The following C14orf39 variants were observed in gnomAD, a reference collection of about 807,000 sequenced individuals.
C14orf39 encodes the protein protein SIX6OS1.
Under a neutral mutation model 85.6 loss-of-function variants are expected in C14orf39, and 66 were observed. The ratio of observed to expected loss-of-function variants is 0.77; its 90% CI spans 0.63 to 0.95. C14orf39 has a LOEUF of 0.95. Ranked by LOEUF, C14orf39 falls within the 40% of genes least tolerant of loss-of-function variation. C14orf39 has a pLI of 0.00. For missense variants in C14orf39, 735 were observed against 663.9 expected, an observed-to-expected ratio of 1.11 and a Z score of -1.18; for synonymous variants, 242 against 214.0, an observed-to-expected ratio of 1.13 and a Z score of -1.14.
intron 1 of C14orf39, among the ~76,000 whole-genome samples, chr14:60,499,879 C>T (rs980886545): frequency 1.9e-4 from 29 of 152,200 alleles, no homozygotes; most frequent in African/African-American, 4.8e-4. Context: ...ATACAAATTA[C>T]CCATAAATAT....
chr14:60,455,675 G>T (rs1260070306), intron 15 of C14orf39, among the ~76,000 whole-genome samples: 2 of 152,112 alleles, frequency 1.3e-5, no homozygotes, highest in African/African-American at 4.8e-5. Flanking sequence ...TAAAAGCATG[G>T]ATTCTAGAGC....
At chr14:60,509,780 G>A (rs1344962002) in intron 1 of C14orf39, 4 of 1,613,062 alleles carry the variant, frequency 2.5e-6, no homozygotes, top group Non-Finnish European at 3.4e-6. Flanking sequence ...CATTTGGGAC[G>A]GCGAACAGAA....
intron 17 of C14orf39, among the ~76,000 whole-genome samples, chr14:60,438,768 T>C (rs563410861): frequency 3.9e-5 from 6 of 152,032 alleles, no homozygotes; most frequent in Admixed American, 1.3e-4. Flanking sequence ...TCTCGAAAGA[T>C]AGAAAGAGAT....
intron 1 of C14orf39, chr14:60,511,299 GA>G: frequency 1.9e-6 from 3 of 1,598,882 alleles, no homozygotes; most frequent in Non-Finnish European, 1.7e-6. Flanking sequence ...GTAAAAACGA[GA>G]AAAACAAAAT....
intron 4 of C14orf39, 103 bp downstream of exon 4, chr14:60,483,588 T>C: frequency 1.0e-6 from 1 of 964,318 alleles, no homozygotes; most frequent in Non-Finnish European, 1.5e-6. Flanking sequence ...ACTTGATTCA[T>C]TAGCTAATAC....
intron 1 of C14orf39, among the ~76,000 whole-genome samples, chr14:60,501,562 G>A (rs1181794308): frequency 6.6e-6 from 1 of 152,202 alleles, no homozygotes; most frequent in Non-Finnish European, 1.5e-5. Flanking sequence ...CTCCAGAACT[G>A]TGAGAGAATA....
chr14:60,436,896 T>C lies in C14orf39; in HGVS notation c.1713A>G (p.Leu571=), dbSNP rs1388724377. ...TTTGTGAGGAAGATGAAAAACCTTT[T>C]AAAGAAGAAGAAGGTATTGAATTTT... is the stretch of plus-strand genomic sequence containing the variant. The part of the protein sequence containing the change: ...QGQNSIPSSS[L]KGFSSSSQNT... The change falls in exon 18 of 18, where the codon TTA becomes TTG. Residue 571 remains leucine, a synonymous_variant. Transcript: ENST00000321731. 4.3e-6 allele frequency: 7 copies of C among 1,612,436 alleles called. No homozygotes were observed. The highest frequency in any genetic ancestry group is 5.9e-6 in the Non-Finnish European group (7 of 1,179,016).
In C14orf39 at chr14:60,476,027, T is replaced by C. The variant is rs577908637; in HGVS notation, c.323+2273A>G. 3.9e-5 allele frequency among the ~76,000 whole-genome samples: 6 copies of C among 152,300 alleles called. No homozygotes were observed. In the East Asian group the frequency reaches 5.8e-4, roughly 15 times the overall value. Reference sequence around the variant, plus strand: ...AAAAGTAAGGATAACAGCCCTGTGCTAGTCAGCGGGTCTGAATCTTAAGAA... The same window carrying C: ...AAAAGTAAGGATAACAGCCCTGTGCCAGTCAGCGGGTCTGAATCTTAAGAA... On this transcript the variant is annotated intron_variant, in intron 5 of 17. Coordinates refer to ENST00000321731, the MANE Select transcript of C14orf39 (RefSeq NM_174978.3).
At chr14:60,470,855 T>C (rs562706482) in intron 7 of C14orf39, among the ~76,000 whole-genome samples, 3 of 151,978 alleles carry the variant, frequency 2.0e-5, no homozygotes, top group African/African-American at 7.2e-5. Context: ...GATTAAAGTT[T>C]CAAGTTCATC....
At chr14:60,480,743 T>C (rs557989163) in intron 4 of C14orf39, among the ~76,000 whole-genome samples, 13 of 149,300 alleles carry the variant, frequency 8.7e-5, no homozygotes, top group African/African-American at 2.7e-4. Flanking sequence ...AAGTGTGGCA[T>C]AGATACACTA....
intron 1 of C14orf39, among the ~76,000 whole-genome samples, chr14:60,513,537 C>T (rs1461385390): frequency 1.3e-5 from 2 of 152,132 alleles, no homozygotes; most frequent in African/African-American, 4.8e-5. Context: ...ACTCTTGTTC[C>T]CCAGCCCCAC....
intron 16 of C14orf39, among the ~76,000 whole-genome samples, chr14:60,454,711 A>G (rs1891189407): frequency 6.6e-6 from 1 of 152,014 alleles, no homozygotes; most frequent in South Asian, 2.1e-4. Flanking sequence ...GTTTGTCTGA[A>G]AGTTAGACAC....
At chr14:60,446,220 A>C (rs1379184442) in intron 16 of C14orf39, among the ~76,000 whole-genome samples, 1 of 152,212 alleles carries the variant, frequency 6.6e-6, no homozygotes, top group Non-Finnish European at 1.5e-5. Context: ...ATCAGAGCAG[A>C]ACTGAAGAGC....
rs375558232 is a variant in C14orf39, at chr14:60,452,037, AT to A, written c.1503+2963del. On this transcript the variant is annotated intron_variant, in intron 16 of 17. Transcript: ENST00000321731. ...CTCTACTAAAGTACAAAAAAAAAAA[AT>A]TAGCCAGGCATGGTGGCACACGCCT... is the stretch of plus-strand genomic sequence containing the variant. Among the ~76,000 whole-genome samples, 432 of 150,854 alleles carry A rather than the reference AT, an allele frequency of 2.9e-3. 1 individual carries two copies. The highest frequency in any genetic ancestry group is 0.01 in the African/African-American group (415 of 41,102).
intron 5 of C14orf39, among the ~76,000 whole-genome samples, chr14:60,475,627 C>T (rs1206792837): frequency 6.6e-6 from 1 of 152,076 alleles, no homozygotes; most frequent in Non-Finnish European, 1.5e-5. Flanking sequence ...GAAATTCTCT[C>T]GTGCCATAAT....
At chr14:60,475,400 A>C (rs964583345) in intron 5 of C14orf39, among the ~76,000 whole-genome samples, 4 of 152,118 alleles carry the variant, frequency 2.6e-5, no homozygotes, top group Non-Finnish European at 5.9e-5. Flanking sequence ...CCTGTGCTCG[A>C]TTCTACAAGA....
At chr14:60,438,241 G>A (rs911826152) in intron 17 of C14orf39, among the ~76,000 whole-genome samples, 1 of 151,882 alleles carries the variant, frequency 6.6e-6, no homozygotes, top group South Asian at 2.1e-4. Context: ...AAGATGGGTG[G>A]ATGGATGGAT....
In C14orf39 at chr14:60,471,653, T is replaced by G. The variant is rs761611403; in HGVS notation, c.410A>C (p.Glu137Ala). 1 of 1,610,720 alleles carries G rather than the reference T, an allele frequency of 6.2e-7. No individual in the cohort carries two copies. Among genetic ancestry groups the G allele is most frequent in the Non-Finnish European group, 8.5e-7 (1 of 1,177,840 alleles). Reference sequence around the variant, plus strand: ...ATGTTCTCTTTTCTTCTCATAATATTCACGTGAAAAGGGTGTTTCTGAGTA... The same window carrying G: ...ATGTTCTCTTTTCTTCTCATAATATGCACGTGAAAAGGGTGTTTCTGAGTA... ...LKYSETPFSR[E>A]YYEKKREHEE... Residue 137 changes from glutamate (E) to alanine (A), a missense_variant, in exon 6 of 18, where the codon GAA becomes GCA. Glu to Ala is a moderately radical substitution (Grantham distance 107). Coordinates refer to ENST00000321731, the MANE Select transcript of C14orf39 (RefSeq NM_174978.3).
chr14:60,478,985 T>G (rs1361524165), intron 4 of C14orf39, among the ~76,000 whole-genome samples: 1 of 152,118 alleles, frequency 6.6e-6, no homozygotes, highest in Admixed American at 6.5e-5. Flanking sequence ...AATATAAAAT[T>G]AATATATACC....
Sources: allele counts gnomAD v4.1 joint callset (sites outside exome capture counted in the v4.1 genomes callset), GRCh38; gene constraint gnomAD v4.1.1; transcripts MANE v1.5; gene names NCBI Gene and HGNC (gene_info 2026-07-23, HGNC 2026-07-21).